The following KCTD1 variants were observed in gnomAD, a reference collection of about 807,000 sequenced individuals.
The protein encoded by KCTD1 is BTB/POZ domain-containing protein KCTD1.
Under a neutral mutation model 66.0 loss-of-function variants are expected in KCTD1, and 24 were observed. The ratio of observed to expected loss-of-function variants is 0.36; its 90% CI spans 0.26 to 0.51. KCTD1 has a LOEUF of 0.51. Ranked by LOEUF, KCTD1 falls within the 20% of genes least tolerant of loss-of-function variation. The pLI, the probability that KCTD1 is intolerant of heterozygous loss-of-function variation, is 0.95. For missense variants in KCTD1, 943 were observed against 1,205.2 expected (o/e 0.78, Z 3.22); for synonymous variants, 511 against 517.2 (o/e 0.99, Z 0.16).
chr18:26,631,016 G>C (rs897679668), upstream of KCTD1, among the ~76,000 whole-genome samples: 2 of 152,116 alleles, frequency 1.3e-5, no homozygotes, highest in African/African-American at 4.8e-5. Context: ...ATTAGATGGT[G>C]GTGATACTAT....
chr18:26,529,711 G>A (rs1193684190), intron 1 of KCTD1, among the ~76,000 whole-genome samples: 1 of 152,188 alleles, frequency 6.6e-6, no homozygotes, highest in Admixed American at 6.5e-5. Flanking sequence ...ACCCAAGGAG[G>A]TTGTGCCTAA....
At chr18:26,455,973 T>C in intron 4 of KCTD1, 72 bp from the exon 5 acceptor site, 1 of 1,463,892 alleles carries the variant, frequency 6.8e-7, no homozygotes, top group Non-Finnish European at 9.3e-7. Context: ...ACCCCAAAGT[T>C]TGAGATTATG....
At chr18:26,470,900 G>T (rs1981021746) in intron 3 of KCTD1, among the ~76,000 whole-genome samples, 1 of 152,232 alleles carries the variant, frequency 6.6e-6, no homozygotes, top group Admixed American at 6.5e-5. Context: ...CAAGAGGAGG[G>T]TGTGTCTGAG....
chr18:26,588,449 C>A (rs1986521216), intron 1 of KCTD1, among the ~76,000 whole-genome samples: 1 of 152,168 alleles, frequency 6.6e-6, no homozygotes, highest in Admixed American at 6.5e-5. Flanking sequence ...TACAGATCAG[C>A]TGAAAATAAT....
chr18:26,499,528 T>C (rs965053375), intron 2 of KCTD1, among the ~76,000 whole-genome samples: 5 of 152,262 alleles, frequency 3.3e-5, no homozygotes, highest in Non-Finnish European at 7.3e-5. Flanking sequence ...ATCATTTCAA[T>C]TGTAGAAATT....
rs539089185 is a variant in KCTD1 at position 26,640,297 on chromosome 18, A to T, written c.-107+14T>A. ...CAGAAAATTTAAAAATGATCTATTCATGATGCCTCCCACCTGTAGTCCCAG... is the reference window on the plus strand; with the variant it reads ...CAGAAAATTTAAAAATGATCTATTCTTGATGCCTCCCACCTGTAGTCCCAG... On this transcript the variant is annotated intron_variant, in intron 1 of 5. Transcript: ENST00000579973. 2.6e-5 allele frequency: 4 copies of T among 152,306 alleles called. No individual in the cohort carries two copies. The South Asian group carries it at 8.3e-4, about 32-fold the overall frequency. 9.4% of individuals were successfully genotyped at this position (152,306 alleles called of 1,614,324 possible).
intron 3 of KCTD1, among the ~76,000 whole-genome samples, chr18:26,463,381 C>T (rs1980544018): frequency 6.6e-6 from 1 of 151,586 alleles, no homozygotes; most frequent in Non-Finnish European, 1.5e-5. Flanking sequence ...TGCATCACTG[C>T]ACTCCAGCCT....
chr18:26,503,535 CCT>C (rs1202269739), intron 1 of KCTD1, among the ~76,000 whole-genome samples: 2 of 152,100 alleles, frequency 1.3e-5, no homozygotes, highest in Non-Finnish European at 1.5e-5. Context: ...CACCTCCCTC[CCT>C]GTTACATTTC....
At chr18:26,529,408 G>A (rs1984329942) in intron 1 of KCTD1, among the ~76,000 whole-genome samples, 2 of 152,138 alleles carry the variant, frequency 1.3e-5, no homozygotes, top group African/African-American at 2.4e-5. Flanking sequence ...CTACAAGCCC[G>A]TGAACTTTCT....
In KCTD1 at chr18:26,548,434, C is replaced by T; in HGVS notation, c.103G>A (p.Glu35Lys). The T allele has an allele frequency of 7.3e-7, 1 of 1,370,754 alleles. No individual in the cohort carries two copies. The highest frequency in any genetic ancestry group is 9.4e-7 in the Non-Finnish European group (1 of 1,063,352). 84.9% of individuals were successfully genotyped at this position (1,370,754 alleles called of 1,614,324 possible). ...CGGCCGCGGCCCCCCGCGCCGCGCT[C>T]GCCCTCGCCCCGCTCCCCATTGTTC... ...AENNGERGEGERGAGGRGRRH... is the reference protein window; with the variant it reads ...AENNGERGEGKRGAGGRGRRH... Residue 35 changes from glutamate to lysine, a missense_variant, in exon 1 of 5, where the codon GAG becomes AAG. Coordinates refer to ENST00000580059, the MANE Select transcript of KCTD1 (RefSeq NM_001142730.3).
intron 3 of KCTD1, among the ~76,000 whole-genome samples, chr18:26,471,969 A>G (rs187404183): frequency 7.7e-4 from 117 of 152,254 alleles, no homozygotes; most frequent in African/African-American, 2.7e-3. Flanking sequence ...GGAGGTTAAG[A>G]TGACGGATGC....
intron 1 of KCTD1, among the ~76,000 whole-genome samples, chr18:26,647,268 G>A (rs1410736141): frequency 6.6e-6 from 1 of 151,838 alleles, no homozygotes; most frequent in African/African-American, 2.4e-5. Context: ...CAGCACTTTG[G>A]GAGGCTGAGG....
intron 1 of KCTD1, among the ~76,000 whole-genome samples, chr18:26,593,649 A>AGAGGAGGAGGAGGAG (rs1269648013): frequency 1.4e-5 from 1 of 69,478 alleles, no homozygotes; most frequent in African/African-American, 6.1e-5. Context: ...AAGAGAAGGA[A>AGAGGAGGAGGAGGAG]GAGGAGGAAG....
chr18:26,509,847 G>A (rs944622428), intron 1 of KCTD1, among the ~76,000 whole-genome samples: 4 of 152,162 alleles, frequency 2.6e-5, no homozygotes, highest in African/African-American at 9.7e-5. Context: ...TCAGCCGCCC[G>A]CCCCGTGCGA....
intron 1 of KCTD1, among the ~76,000 whole-genome samples, chr18:26,511,250 C>T (rs537945848): frequency 4.6e-5 from 7 of 152,258 alleles, no homozygotes; most frequent in African/African-American, 1.4e-4. Flanking sequence ...GGAGGAAACA[C>T]GTGGAACTGA....
chr18:26,533,830 A>T lies in KCTD1; in HGVS notation c.1809+12898T>A, dbSNP rs1312684644. Reference sequence around the variant, plus strand: ...GAATATTTTTAAAGCTATTATTTAAAAAAAAAAAAAAAAAAAAAGCAAGCC... The same window carrying T: ...GAATATTTTTAAAGCTATTATTTAATAAAAAAAAAAAAAAAAAAGCAAGCC... On this transcript the variant is annotated intron_variant, in intron 1 of 4. Coordinates refer to ENST00000580059, the MANE Select transcript of KCTD1 (RefSeq NM_001142730.3). 7.1e-4 allele frequency among the ~76,000 whole-genome samples: 12 copies of T among 16,924 alleles called. No individual in the cohort carries two copies. The East Asian group carries it at 0.037, about 52-fold the overall frequency. The allele number at this position is 16,924 out of a possible 152,430, so 11.1% of individuals were successfully genotyped here. A position where few individuals can be genotyped will look rare whatever the true frequency, so the allele number is the denominator to read the frequency against.
intron 1 of KCTD1, among the ~76,000 whole-genome samples, chr18:26,505,632 C>T (rs891703098): frequency 6.6e-6 from 1 of 152,070 alleles, no homozygotes; most frequent in Non-Finnish European, 1.5e-5. Context: ...TCATAGCTCA[C>T]TACAGCCTTG....
At chr18:26,552,759 GTGGGC>G (rs1985607013), upstream of KCTD1, among the ~76,000 whole-genome samples, 1 of 152,150 alleles carries the variant, frequency 6.6e-6, no homozygotes, top group South Asian at 2.1e-4. Context: ...ATTAAGAGAG[GTGGGC>G]TGGGGAGGAT....
intron 1 of KCTD1, among the ~76,000 whole-genome samples, chr18:26,520,215 T>C (rs879547830): frequency 1.4e-4 from 21 of 152,190 alleles, no homozygotes; most frequent in Admixed American, 5.2e-4. Flanking sequence ...ACTGGGTGGC[T>C]TGCTCAGGGC....
Sources: allele counts gnomAD v4.1 joint callset (sites outside exome capture counted in the v4.1 genomes callset), GRCh38; gene constraint gnomAD v4.1.1; transcripts MANE v1.5; gene names NCBI Gene and HGNC (gene_info 2026-07-23, HGNC 2026-07-21).